The following PLGLB2 variants were observed in gnomAD, a reference collection of about 807,000 sequenced individuals.
PLGLB2 encodes the protein plasminogen like B2.
chr2:87,755,574 GTGAT>G lies in PLGLB2; in HGVS notation c.*2-1241_*2-1238del, dbSNP rs1259932923. On this transcript the variant is annotated intron_variant, in intron 3 of 3. Coordinates refer to ENST00000359481, the MANE Select transcript of PLGLB2 (RefSeq NM_002665.4). ...TAGGTACGTTAGGAGTACTCCCCAT[GTGAT>G]TGATCAGTGAATTTAAAAATGGCTA... is the stretch of plus-strand genomic sequence containing the variant. Among the ~76,000 whole-genome samples the G allele has an allele frequency of 2.1e-4, 27 of 130,472 alleles. 6 individuals carry two copies. The East Asian group carries it at 4.6e-3, about 22-fold the overall frequency. 85.6% of individuals were successfully genotyped at this position (130,472 alleles called of 152,430 possible).
At chr2:87,750,727 CT>C (rs1433721831) in intron 1 of PLGLB2, among the ~76,000 whole-genome samples, 2 of 151,042 alleles carry the variant, frequency 1.3e-5, no homozygotes, top group African/African-American at 4.9e-5. Flanking sequence ...GAATGAGAAT[CT>C]GTTCATTTGC....
At chr2:87,751,541 C>A (rs1221372159) in intron 1 of PLGLB2, 2 of 150,676 alleles carry the variant, frequency 1.3e-5, no homozygotes, top group African/African-American at 2.4e-5. Flanking sequence ...GGATGCTTCC[C>A]ACCAGTTCAA....
intron 3 of PLGLB2, chr2:87,756,082 C>T: frequency 6.4e-5 from 1 of 15,518 alleles, no homozygotes; most frequent in South Asian, 2.2e-3. Context: ...TTGGAAAATG[C>T]AAAGAAACGA....
At chr2:87,750,115 G>GA (rs1349929012) in intron 1 of PLGLB2, among the ~76,000 whole-genome samples, 1 of 152,250 alleles carries the variant, frequency 6.6e-6, no homozygotes, top group Non-Finnish European at 1.5e-5. Flanking sequence ...AAATTAAAAA[G>GA]AAAAAAGTTT....
chr2:87,750,788 T>G (rs1309585360), intron 1 of PLGLB2, among the ~76,000 whole-genome samples: 1 of 149,478 alleles, frequency 6.7e-6, no homozygotes, highest in Non-Finnish European at 1.5e-5. Flanking sequence ...CGCTCTGCAG[T>G]GTGTCATCTT....
intron 1 of PLGLB2, among the ~76,000 whole-genome samples, chr2:87,750,512 C>CA (rs1341263759): frequency 7.4e-6 from 1 of 135,248 alleles, no homozygotes; most frequent in African/African-American, 2.9e-5. Flanking sequence ...AAGTGCTTTT[C>CA]AGTGGATTAG....
intron 3 of PLGLB2, chr2:87,756,414 TCTTA>T (rs1181246043): frequency 6.2e-6 from 1 of 161,918 alleles, no homozygotes; most frequent in East Asian, 1.6e-4. Flanking sequence ...TTCCCCATTC[TCTTA>T]CTCTGTCTCA....
At position 87,756,409 on chromosome 2, in the gene PLGLB2, C is replaced by T. The variant is rs1252662513; in HGVS notation, c.*2-411C>T. On this transcript the variant is annotated intron_variant, in intron 3 of 3. Coordinates refer to ENST00000359481, the MANE Select transcript of PLGLB2 (RefSeq NM_002665.4). ...TTCCCCCATCTAAAAACCCTTTCCC[C>T]ATTCTCTTACTCTGTCTCATCATGT... The T allele has an allele frequency of 1.2e-4, 19 of 153,794 alleles. 1 individual carries two copies. Among genetic ancestry groups the T allele is most frequent in the Non-Finnish European group, 2.3e-4 (16 of 69,854 alleles). The allele number at this position is 153,794 out of a possible 1,614,324, so 9.5% of individuals were successfully genotyped here.
At chr2:87,753,846 C>CA (rs1482692666) in intron 3 of PLGLB2, among the ~76,000 whole-genome samples, 2 of 119,646 alleles carry the variant, frequency 1.7e-5, no homozygotes, top group African/African-American at 5.4e-5. Flanking sequence ...TTTTTTTGTT[C>CA]AAAAAATGAA....
At position 87,753,824 on chromosome 2, in the gene PLGLB2, CTAGATT is replaced by C. The variant is rs1409709619; in HGVS notation, c.*1+193_*1+198del. 2.9e-5 allele frequency among the ~76,000 whole-genome samples: 4 copies of C among 139,040 alleles called. No individual in the cohort carries two copies. In the South Asian group the frequency reaches 7.6e-4, roughly 27 times the overall value. 91.2% of individuals were successfully genotyped at this position (139,040 alleles called of 152,430 possible). On this transcript the variant is annotated intron_variant, in intron 3 of 3. Transcript: ENST00000359481. ...CAGCTTGAGTATATTACTTCACCTCCTAGATTTAATTTTTTTTTGTTCAAAAAATGA... is the reference window on the plus strand; with the variant it reads ...CAGCTTGAGTATATTACTTCACCTCCTAATTTTTTTTTGTTCAAAAAATGA...
intron 3 of PLGLB2, among the ~76,000 whole-genome samples, chr2:87,755,002 AG>A (rs1373917251): frequency 1.4e-5 from 2 of 147,156 alleles, no homozygotes; most frequent in East Asian, 1.9e-4. Context: ...GGGTTTTTCC[AG>A]GAACAGTCAG....
intron 1 of PLGLB2, among the ~76,000 whole-genome samples, chr2:87,750,132 G>A (rs1166275597): frequency 3.3e-5 from 5 of 152,380 alleles, no homozygotes; most frequent in Non-Finnish European, 5.9e-5. Context: ...GTTTGATTCT[G>A]TTTTGGGATA....
chr2:87,754,767 G>C (rs2104202864), intron 3 of PLGLB2, among the ~76,000 whole-genome samples: 1 of 151,220 alleles, frequency 6.6e-6, no homozygotes, highest in Admixed American at 6.6e-5. Flanking sequence ...AAAAAACCCT[G>C]ATTCTCCTGA....
chr2:87,750,250 C>CT (rs1368316759), intron 1 of PLGLB2, among the ~76,000 whole-genome samples: 2 of 152,060 alleles, frequency 1.3e-5, no homozygotes, highest in Non-Finnish European at 2.9e-5. Flanking sequence ...TGGAAGTTTT[C>CT]TTTTTTTGAA....
intron 1 of PLGLB2, among the ~76,000 whole-genome samples, chr2:87,750,811 CT>C (rs1684634190): frequency 7.0e-6 from 1 of 142,516 alleles, no homozygotes; most frequent in Non-Finnish European, 1.6e-5. Context: ...AGAACCTCCC[CT>C]GACCTCATCT....
rs1268822843 is a variant in PLGLB2 at position 87,754,763 on chromosome 2, CCCTGATTCT to C, written c.*1+1140_*1+1148del. 2.4e-4 allele frequency among the ~76,000 whole-genome samples: 36 copies of C among 150,928 alleles called. 1 individual carries two copies. The highest frequency in any genetic ancestry group is 3.4e-3 in the Middle Eastern group (1 of 292). ...CAGATTTAAAAAAAAAAACAAAAAACCCTGATTCTCCTGATTCTCTCTACAAAATGCTAA... is the reference window on the plus strand; with the variant it reads ...CAGATTTAAAAAAAAAAACAAAAAACCCTGATTCTCTCTACAAAATGCTAA... On this transcript the variant is annotated intron_variant, in intron 3 of 3. Coordinates refer to ENST00000359481, the MANE Select transcript of PLGLB2 (RefSeq NM_002665.4).
chr2:87,748,908 G>A (rs1460445986), intron 1 of PLGLB2, among the ~76,000 whole-genome samples: 1 of 124,718 alleles, frequency 8.0e-6, no homozygotes, highest in Non-Finnish European at 1.7e-5. Flanking sequence ...GGTATAGGTA[G>A]GGTAGCATAT....
intron 3 of PLGLB2, chr2:87,756,541 T>A (rs1187999233): frequency 3.0e-6 from 1 of 333,842 alleles, no homozygotes; most frequent in Non-Finnish European, 5.7e-6. Context: ...GTGAGCTCTA[T>A]GATGGCCAAG....
intron 3 of PLGLB2, chr2:87,756,536 C>T: frequency 3.1e-6 from 1 of 324,866 alleles, no homozygotes; most frequent in Non-Finnish European, 5.9e-6. Context: ...AGAATGTGAG[C>T]TCTATGATGG....
Sources: allele counts gnomAD v4.1 joint callset (sites outside exome capture counted in the v4.1 genomes callset), GRCh38; gene constraint gnomAD v4.1.1; transcripts MANE v1.5; gene names NCBI Gene and HGNC (gene_info 2026-07-23, HGNC 2026-07-21).